The following NCOR2 variants were observed in gnomAD, a reference collection of about 807,000 sequenced individuals.
The protein encoded by NCOR2 is CTG repeat protein 26.
NCOR2 carries 81 observed loss-of-function variants against 262.9 expected under a neutral mutation model. The ratio of observed to expected loss-of-function variants is 0.31; its 90% CI spans 0.26 to 0.37. The LOEUF is 0.37. Among genes scored for constraint, NCOR2 ranks in the 10% least tolerant of loss-of-function variants. The pLI is 1.00. For synonymous variants in NCOR2, 1,659 were observed against 1,559.3 expected, an observed-to-expected ratio of 1.06 and a Z score of -1.51; for missense variants, 3,385 against 3,621.4, an observed-to-expected ratio of 0.93 and a Z score of 1.68.
chr12:124,396,446 G>A (rs1427038262), intron 16 of NCOR2, among the ~76,000 whole-genome samples: 1 of 152,166 alleles, frequency 6.6e-6, no homozygotes, highest in African/African-American at 2.4e-5. Flanking sequence ...ACCACCAAGT[G>A]GACATTAAAG....
intron 13 of NCOR2, among the ~76,000 whole-genome samples, chr12:124,416,080 G>T (rs1393735361): frequency 6.6e-6 from 1 of 152,064 alleles, no homozygotes; most frequent in Admixed American, 6.5e-5. Context: ...GCAATTCAGG[G>T]CCAATGGCCA....
intron 1 of NCOR2, among the ~76,000 whole-genome samples, chr12:124,561,269 C>T (rs1043036119): frequency 1.3e-5 from 2 of 152,134 alleles, no homozygotes; most frequent in African/African-American, 2.4e-5. Flanking sequence ...GGCTGCACTG[C>T]CCCGTAGGGT....
At chr12:124,341,825 C>G in exon 34 of NCOR2, 1 of 1,597,776 alleles carries the variant, frequency 6.3e-7, no homozygotes, top group Non-Finnish European at 8.5e-7. Flanking sequence ...CCACTCACCT[C>G]GGGGACCCGC....
intron 15 of NCOR2, among the ~76,000 whole-genome samples, chr12:124,398,578 C>T (rs1290027074): frequency 6.6e-6 from 1 of 152,232 alleles, no homozygotes; most frequent in African/African-American, 2.4e-5. Flanking sequence ...GACGTGGCGA[C>T]AGTGGGACAC....
intron 13 of NCOR2, among the ~76,000 whole-genome samples, chr12:124,405,172 G>T (rs1375725393): frequency 1.3e-5 from 2 of 152,274 alleles, no homozygotes; most frequent in Non-Finnish European, 2.9e-5. Flanking sequence ...CTCGCTCCTG[G>T]AACGTCACCC....
intron 8 of NCOR2, 78 bp downstream of exon 10, chr12:124,437,852 C>A: frequency 7.1e-7 from 1 of 1,403,038 alleles, no homozygotes; most frequent in Non-Finnish European, 9.9e-7. Context: ...GACAGGGCCC[C>A]GGCAGGTGTG....
chr12:124,541,527 A>C, intron 1 of NCOR2, among the ~76,000 whole-genome samples: 1 of 14,828 alleles, frequency 6.7e-5, no homozygotes, highest in Non-Finnish European at 1.2e-4. Context: ...GGGAGTGGAG[A>C]TGGAGAGGGA....
chr12:124,520,426 T>C (rs1216931220), intron 1 of NCOR2, among the ~76,000 whole-genome samples: 1 of 152,126 alleles, frequency 6.6e-6, no homozygotes, highest in East Asian at 1.9e-4. Context: ...CTGTTCATTT[T>C]TGTTTGTTTT....
chr12:124,474,615 C>T (rs887460349), intron 3 of NCOR2, among the ~76,000 whole-genome samples: 3 of 152,176 alleles, frequency 2.0e-5, no homozygotes, highest in Admixed American at 6.5e-5. Context: ...TCTCCAGTTC[C>T]GTGACCTCCA....
chr12:124,359,265 C>T (rs1001328354), intron 22 of NCOR2, among the ~76,000 whole-genome samples: 8 of 152,200 alleles, frequency 5.3e-5, no homozygotes, highest in African/African-American at 1.9e-4. Flanking sequence ...CCTCTGGGTT[C>T]TGGGACAGGA....
rs538684353 is a variant in NCOR2, at chr12:124,461,628, C to T, written c.706-4466G>A. The stretch of plus-strand genomic sequence containing the variant: ...ACATGTCCACACACATCAAGGCGCA[C>T]GCACATACACATGTGCACCCAAGTG... On this transcript the variant is annotated intron_variant, in intron 5 of 46. Coordinates refer to ENST00000405201, the Ensembl canonical transcript of NCOR2. Among the ~76,000 whole-genome samples the T allele has an allele frequency of 5.7e-4, 87 of 152,336 alleles. 1 individual carries two copies. In the South Asian group the frequency reaches 6.6e-3, roughly 12 times the overall value.
chr12:124,502,424 A>G (rs981348038), intron 1 of NCOR2, among the ~76,000 whole-genome samples: 2 of 152,198 alleles, frequency 1.3e-5, no homozygotes, highest in African/African-American at 4.8e-5. Flanking sequence ...GAAAAACAGA[A>G]CCAGGAGGCG....
rs372877323 is a variant in NCOR2 at position 124,474,960 on chromosome 12, G to C, written c.412-1829C>G. Reference sequence around the variant, plus strand: ...ACAACTGCAGCCCGGGGGCCACCGAGTGCCCCACCAACCTCAGGATTCACA... The same window carrying C: ...ACAACTGCAGCCCGGGGGCCACCGACTGCCCCACCAACCTCAGGATTCACA... On this transcript the variant is annotated intron_variant, in intron 3 of 46. Transcript: ENST00000405201. 2.0e-5 allele frequency among the ~76,000 whole-genome samples: 3 copies of C among 152,138 alleles called. No individual in the cohort carries two copies. The East Asian group carries it at 5.8e-4, about 29-fold the overall frequency.
exon 46 of NCOR2, chr12:124,326,292 C>G: frequency 6.4e-7 from 1 of 1,566,742 alleles, no homozygotes. Flanking sequence ...TGGCCGGTCC[C>G]CAGATGCCAG....
At chr12:124,550,123 G>A (rs2051668989) in intron 1 of NCOR2, among the ~76,000 whole-genome samples, 1 of 147,538 alleles carries the variant, frequency 6.8e-6, no homozygotes, top group Non-Finnish European at 1.5e-5. Context: ...GATGGAAGCA[G>A]GGGTGTTGCC....
In NCOR2 at chr12:124,339,298, C is replaced by CCCATCCATCCAT. The variant is rs147095017; in HGVS notation, c.5687+696_5687+707dup. Among the ~76,000 whole-genome samples, 1,000 of 129,736 alleles carry CCCATCCATCCAT rather than the reference C, an allele frequency of 7.7e-3. 24 individuals are homozygous for CCCATCCATCCAT. Among genetic ancestry groups the CCCATCCATCCAT allele is most frequent in the South Asian group, 0.057 (221 of 3,872 alleles). 85.1% of individuals were successfully genotyped at this position (129,736 alleles called of 152,430 possible). ...CCTACCTACCTAACCCAACCACCTG[C>CCCATCCATCCAT]CCATCCATCCATCCATCCATCCATC... is the stretch of plus-strand genomic sequence containing the variant. On this transcript the variant is annotated intron_variant, in intron 37 of 46. Transcript: ENST00000405201.
chr12:124,426,565 C>T, intron 11 of NCOR2, 57 bp downstream of exon 13: 6 of 1,492,798 alleles, frequency 4.0e-6, no homozygotes, highest in Non-Finnish European at 5.4e-6. Flanking sequence ...ACAGCGCAGG[C>T]CTCAACAGGA....
At chr12:124,496,683 T>G (rs2048398783), upstream of NCOR2, among the ~76,000 whole-genome samples, 1 of 152,158 alleles carries the variant, frequency 6.6e-6, no homozygotes, top group South Asian at 2.1e-4. This position sits in a 1 kb window ranked among gnomAD's most constrained non-coding sequence, Gnocchi z 4.4. Context: ...GGGCCCTGAC[T>G]GCCTCCCAGG....
At chr12:124,488,878 G>A (rs955612906) in intron 1 of NCOR2, among the ~76,000 whole-genome samples, 7 of 152,230 alleles carry the variant, frequency 4.6e-5, no homozygotes, top group South Asian at 2.1e-4. Flanking sequence ...GCCCGAAGTG[G>A]GGGCTGGGGA....
Sources: gnomAD v4.1 joint callset for allele counts (sites outside exome capture counted in the v4.1 genomes callset) on GRCh38, gnomAD v4.1.1 for gene constraint, Gnocchi (gnomAD v3.1) non-coding constraint, MANE v1.5 for transcripts, NCBI Gene and HGNC (gene_info 2026-07-23, HGNC 2026-07-21) for gene names.